The following EFCAB13 variants were observed in gnomAD, a reference collection of about 807,000 sequenced individuals.
The protein encoded by EFCAB13 is EF-hand calcium-binding domain-containing protein 13.
A neutral mutation model predicts 110.2 loss-of-function variants in EFCAB13; 91 were observed. That is an observed-to-expected ratio of 0.83 (90% CI 0.70 to 0.98). The LOEUF is 0.98. Among genes scored for constraint, EFCAB13 ranks in the 50% least tolerant of loss-of-function variants. EFCAB13 has a pLI of 0.00. For synonymous variants in EFCAB13, 323 were observed against 369.9 expected (o/e 0.87, Z 1.45); for missense variants, 968 against 1,119.4 (o/e 0.86, Z 1.93).
chr17:47,325,800 T>G (rs768608278), intron 2 of EFCAB13, among the ~76,000 whole-genome samples: 3 of 151,252 alleles, frequency 2.0e-5, no homozygotes, highest in Non-Finnish European at 4.4e-5. Flanking sequence ...CCTCCCTGCT[T>G]TACTTTTTTT....
At position 47,399,277 on chromosome 17, in the gene EFCAB13, T is replaced by C. The variant is rs73324449; in HGVS notation, c.1946-2855T>C. On this transcript the variant is annotated intron_variant, in intron 17 of 24. Transcript: ENST00000331493. The stretch of plus-strand genomic sequence containing the variant: ...TATATAAAATGCAGATTTTACAATT[T>C]AAGCCTAAATATACACATGATATTG... Among the ~76,000 whole-genome samples the C allele has an allele frequency of 8.7e-3, 1,328 of 152,350 alleles. 20 individuals are homozygous for C. The highest frequency in any genetic ancestry group is 0.031 in the African/African-American group (1,273 of 41,576).
intron 12 of EFCAB13, chr17:47,377,514 C>T: frequency 4.5e-6 from 1 of 221,490 alleles, no homozygotes; most frequent in Non-Finnish European, 8.7e-6. Flanking sequence ...GCCACTGGAA[C>T]AGGCTGTTCC....
At chr17:47,336,467 A>G (rs1357873782) in intron 5 of EFCAB13, among the ~76,000 whole-genome samples, 5 of 151,310 alleles carry the variant, frequency 3.3e-5, no homozygotes, top group African/African-American at 1.2e-4. Flanking sequence ...AATTTTTTGT[A>G]TTTTTAGTAG....
At chr17:47,359,618 T>C (rs2065499717) in intron 9 of EFCAB13, among the ~76,000 whole-genome samples, 1 of 148,638 alleles carries the variant, frequency 6.7e-6, no homozygotes, top group Admixed American at 6.8e-5. Flanking sequence ...AATTTTTTTT[T>C]CAATTTTTTT....
rs189411863 is a variant in EFCAB13, at chr17:47,436,158, C to A, written c.2639-4273C>A. ...ATGGTGGATTATCTTTTTGATATGT[C>A]GTTGGATTCGGTTAGCTAGTATTTT... On this transcript the variant is annotated intron_variant, in intron 24 of 24. Coordinates refer to ENST00000331493, the MANE Select transcript of EFCAB13 (RefSeq NM_152347.5). Among the ~76,000 whole-genome samples the A allele has an allele frequency of 2.0e-5, 3 of 152,102 alleles. No individual in the cohort carries two copies. The South Asian group carries it at 6.2e-4, about 32-fold the overall frequency.
At chr17:47,379,806 T>C (rs1471881844) in intron 14 of EFCAB13, among the ~76,000 whole-genome samples, 1 of 152,186 alleles carries the variant, frequency 6.6e-6, no homozygotes, top group Non-Finnish European at 1.5e-5. Context: ...ACGAAAGATA[T>C]TAAGGCTTGC....
chr17:47,430,144 G>A (rs1598768443), intron 24 of EFCAB13, 183 bp downstream of exon 24: 2 of 1,236,842 alleles, frequency 1.6e-6, no homozygotes, highest in Non-Finnish European at 2.0e-6. Flanking sequence ...AAACAAATGG[G>A]GAAGTCAGAG....
intron 20 of EFCAB13, among the ~76,000 whole-genome samples, chr17:47,406,205 C>A (rs905409031): frequency 2.6e-5 from 4 of 152,096 alleles, no homozygotes; most frequent in Non-Finnish European, 4.4e-5. Flanking sequence ...CTCTGCCTCC[C>A]GGTTTCAAGC....
chr17:47,440,838 C>T lies in EFCAB13; in HGVS notation c.*124C>T. On this transcript the variant is annotated 3_prime_UTR_variant, in exon 25 of 25. Coordinates refer to ENST00000331493, the MANE Select transcript of EFCAB13 (RefSeq NM_152347.5). Reference sequence around the variant, plus strand: ...TTGACAAATCCAGTAGAATTTTTATCACTATCTGTTATGTTCTCATGTATC... The same window carrying T: ...TTGACAAATCCAGTAGAATTTTTATTACTATCTGTTATGTTCTCATGTATC... The T allele has an allele frequency of 3.9e-6, 3 of 771,412 alleles. No homozygotes were observed. Among genetic ancestry groups the T allele is most frequent in the East Asian group, 2.9e-5 (1 of 33,934 alleles). 47.8% of individuals were successfully genotyped at this position (771,412 alleles called of 1,614,324 possible). A position where few individuals can be genotyped will look rare whatever the true frequency, so the allele number is the denominator to read the frequency against.
intron 5 of EFCAB13, among the ~76,000 whole-genome samples, chr17:47,337,081 C>T (rs914952170): frequency 1.3e-5 from 2 of 152,144 alleles, no homozygotes; most frequent in African/African-American, 4.8e-5. Flanking sequence ...CACCACTACT[C>T]CTGTTTGTTA....
intron 15 of EFCAB13, 151 bp downstream of exon 15, chr17:47,391,731 G>A (rs1000367323): frequency 1.1e-5 from 7 of 627,962 alleles, no homozygotes; most frequent in Non-Finnish European, 1.7e-5. Flanking sequence ...AAAAGTACAA[G>A]AAAACACTCA....
At chr17:47,405,374 A>G (rs1002142764) in intron 20 of EFCAB13, among the ~76,000 whole-genome samples, 7 of 152,152 alleles carry the variant, frequency 4.6e-5, no homozygotes, top group Non-Finnish European at 1.0e-4. Context: ...AATGTTAACA[A>G]GCTACTGCCT....
intron 17 of EFCAB13, among the ~76,000 whole-genome samples, chr17:47,399,389 T>G (rs2065767253): frequency 6.6e-6 from 1 of 152,238 alleles, no homozygotes; most frequent in African/African-American, 2.4e-5. Flanking sequence ...CTTATTTTAA[T>G]GCAGTGGTTT....
rs536116310 is a variant in EFCAB13, at chr17:47,371,050, T to C, written c.877+542T>C. On this transcript the variant is annotated intron_variant, in intron 11 of 24. Transcript: ENST00000331493. ...CCACCGCGTCTGGCTCTTTGCCCAG[T>C]TTTTAATGGTTGTTTTTTTTTTTTT... is the stretch of plus-strand genomic sequence containing the variant. Among the ~76,000 whole-genome samples the C allele has an allele frequency of 2.0e-5, 3 of 147,122 alleles. No homozygotes were observed. In the South Asian group the frequency reaches 6.5e-4, roughly 32 times the overall value.
chr17:47,391,323 C>A (rs970049264), intron 14 of EFCAB13, 114 bp from the exon 15 acceptor site: 3 of 742,184 alleles, frequency 4.0e-6, no homozygotes, highest in Non-Finnish European at 6.0e-6. Flanking sequence ...TATAACACTG[C>A]TGAAGTGATT....
At chr17:47,347,599 GAC>G (rs780240282) in intron 8 of EFCAB13, among the ~76,000 whole-genome samples, 9 of 152,292 alleles carry the variant, frequency 5.9e-5, no homozygotes, top group Non-Finnish European at 8.8e-5. Context: ...TGACTTGTCT[GAC>G]AGTTTCTGAA....
At chr17:47,355,374 G>A (rs1324858352) in intron 9 of EFCAB13, among the ~76,000 whole-genome samples, 1 of 152,216 alleles carries the variant, frequency 6.6e-6, no homozygotes, top group Non-Finnish European at 1.5e-5. Flanking sequence ...ATCTTTTTGC[G>A]ATGAATTTCT....
intron 9 of EFCAB13, among the ~76,000 whole-genome samples, chr17:47,350,635 C>T (rs2051369230): frequency 6.6e-6 from 1 of 151,512 alleles, no homozygotes; most frequent in Admixed American, 6.6e-5. Flanking sequence ...CATCTGTTTT[C>T]TTCTTCATCC....
rs979269712 is a variant in EFCAB13, at chr17:47,403,962, T to C, written c.2102T>C (p.Val701Ala). 1.2e-6 allele frequency: 2 copies of C among 1,611,758 alleles called. No individual in the cohort carries two copies. Among genetic ancestry groups the C allele is most frequent in the Non-Finnish European group, 1.7e-6 (2 of 1,178,810 alleles). Residue 701 changes from valine (V) to alanine (A), a missense_variant, in exon 19 of 25, where the codon GTT (valine) becomes GCT (alanine). Physicochemically the swap from Val to Ala is moderately conservative, Grantham distance 64. Coordinates refer to ENST00000331493, the MANE Select transcript of EFCAB13 (RefSeq NM_152347.5). ...GKNLEDFLRNVGIKSPKEEVE... is the reference protein window; with the variant it reads ...GKNLEDFLRNAGIKSPKEEVE... ...AACTTGGAAGACTTTCTAAGAAATG[T>C]TGGGATTAAGTCACCTAAAGAAGAG... is the stretch of plus-strand genomic sequence containing the variant.
Sources: allele counts gnomAD v4.1 joint callset (sites outside exome capture counted in the v4.1 genomes callset), GRCh38; gene constraint gnomAD v4.1.1; transcripts MANE v1.5; gene names NCBI Gene and HGNC (gene_info 2026-07-23, HGNC 2026-07-21).